GHR: variants seen among roughly 807,000 people sequenced by gnomAD.
GHR encodes growth hormone receptor.
A neutral mutation model predicts 67.1 loss-of-function variants in GHR; 35 were observed. The ratio of observed to expected loss-of-function variants is 0.52; its 90% CI spans 0.40 to 0.69. The LOEUF (loss-of-function observed/expected upper bound fraction) is 0.69. GHR is among the 30% of genes least tolerant of loss of function. GHR has a pLI of 0.00. For missense variants in GHR, 792 were observed against 764.6 expected, an observed-to-expected ratio of 1.04 and a Z score of -0.42; for synonymous variants, 272 against 269.1, an observed-to-expected ratio of 1.01 and a Z score of -0.10.
chr5:42,535,872 C>A (rs1748232793), intron 1 of GHR, among the ~76,000 whole-genome samples: 1 of 152,040 alleles, frequency 6.6e-6, no homozygotes. Context: ...GGTCTTTCAA[C>A]TCTTTTGTTA....
At chr5:42,673,352 G>A (rs1349192624) in intron 3 of GHR, among the ~76,000 whole-genome samples, 1 of 152,170 alleles carries the variant, frequency 6.6e-6, no homozygotes. Context: ...GCAGTTTGGA[G>A]ATTTCTCAAA....
At chr5:42,425,014 G>C in intron 1 of GHR, 3 of 985,354 alleles carry the variant, frequency 3.0e-6, no homozygotes, top group Non-Finnish European at 3.6e-6. Context: ...GTGCCGCCAG[G>C]AGACCTTGGA....
rs372033041 is a variant in GHR at position 42,660,723 on chromosome 5, C to T, written c.137-28167C>T. Among the ~76,000 whole-genome samples the T allele has an allele frequency of 5.9e-5, 9 of 152,346 alleles. 1 individual carries two copies. The South Asian group carries it at 6.2e-4, about 11-fold the overall frequency. ...GAGCACCTCTCCTCCTCCAAAGGAA[C>T]GCAGTTCCTCACCAGCAACGGAACA... On this transcript the variant is annotated intron_variant, in intron 3 of 9. Transcript: ENST00000230882.
chr5:42,673,995 T>A (rs1419003693), intron 3 of GHR, among the ~76,000 whole-genome samples: 1 of 152,178 alleles, frequency 6.6e-6, no homozygotes, highest in Non-Finnish European at 1.5e-5. Context: ...CAGGTGACTC[T>A]AACATTCAAT....
At chr5:42,544,036 G>A (rs1748630349) in intron 1 of GHR, among the ~76,000 whole-genome samples, 1 of 151,998 alleles carries the variant, frequency 6.6e-6, no homozygotes, top group African/African-American at 2.4e-5. Context: ...TATTTTTAAG[G>A]TTAACGTACC....
At chr5:42,526,292 C>A (rs1747703253) in intron 1 of GHR, among the ~76,000 whole-genome samples, 1 of 152,058 alleles carries the variant, frequency 6.6e-6, no homozygotes, top group African/African-American at 2.4e-5. Flanking sequence ...AAGCCTAATC[C>A]AGAGCAAGGC....
intron 1 of GHR, chr5:42,467,254 A>G (rs1354559115): frequency 7.4e-7 from 1 of 1,346,270 alleles, no homozygotes; most frequent in African/African-American, 1.4e-5. Flanking sequence ...CTGGTACATA[A>G]TAAGGTGTGA....
chr5:42,708,265 G>A (rs867164244), intron 6 of GHR, among the ~76,000 whole-genome samples: 8 of 152,010 alleles, frequency 5.3e-5, no homozygotes, highest in Non-Finnish European at 1.0e-4. Context: ...TTATTTATCT[G>A]TGTGAGGCCA....
intron 3 of GHR, among the ~76,000 whole-genome samples, chr5:42,663,509 A>G (rs376772751): frequency 1.3e-5 from 2 of 152,338 alleles, no homozygotes; most frequent in Admixed American, 6.5e-5. Flanking sequence ...GATTATCTCA[A>G]TAGATGCAGA....
chr5:42,660,893 C>A (rs932344459), intron 3 of GHR, among the ~76,000 whole-genome samples: 2 of 151,996 alleles, frequency 1.3e-5, no homozygotes, highest in Non-Finnish European at 2.9e-5. Context: ...CTAGAATAAC[C>A]AATACAGAGA....
At chr5:42,701,879 T>C (rs1757946784) in intron 6 of GHR, among the ~76,000 whole-genome samples, 1 of 152,116 alleles carries the variant, frequency 6.6e-6, no homozygotes, top group Non-Finnish European at 1.5e-5. Flanking sequence ...TGTAATCAAA[T>C]CATGCATGGG....
At chr5:42,474,331 A>AAGAAAGAAAGAAAG (rs1303333619) in intron 1 of GHR, among the ~76,000 whole-genome samples, 2 of 149,152 alleles carry the variant, frequency 1.3e-5, no homozygotes, top group African/African-American at 5.0e-5. Flanking sequence ...GAAAGAAAGA[A>AAGAAAGAAAGAAAG]AGAAAGAAAA....
intron 2 of GHR, among the ~76,000 whole-genome samples, chr5:42,613,772 G>A (rs1197009279): frequency 2.0e-5 from 3 of 152,000 alleles, no homozygotes; most frequent in African/African-American, 7.2e-5. Context: ...CTGGGTATGG[G>A]GAATAGGGAA....
chr5:42,592,175 A>G (rs921541198), intron 2 of GHR, among the ~76,000 whole-genome samples: 1 of 152,202 alleles, frequency 6.6e-6, no homozygotes, highest in Non-Finnish European at 1.5e-5. Flanking sequence ...GTGAATCTTC[A>G]CATGCTGCTC....
chr5:42,568,395 G>A (rs1750075781), intron 2 of GHR, among the ~76,000 whole-genome samples: 1 of 152,172 alleles, frequency 6.6e-6, no homozygotes, highest in African/African-American at 2.4e-5. Context: ...CTCAAAGCCA[G>A]TTACATAGTC....
intron 1 of GHR, among the ~76,000 whole-genome samples, chr5:42,504,651 C>T (rs938460690): frequency 1.3e-5 from 2 of 151,970 alleles, no homozygotes; most frequent in Non-Finnish European, 2.9e-5. Flanking sequence ...CCCAGCTACT[C>T]GGGAGGCTGA....
At position 42,720,581 on chromosome 5, in the gene GHR, T is replaced by C. The variant is rs759381512; in HGVS notation, c.*1157T>C. The C allele has an allele frequency of 6.6e-6, 1 of 152,244 alleles. No homozygotes were observed. The highest frequency in any genetic ancestry group is 6.5e-5 in the Admixed American group (1 of 15,282). 9.4% of individuals were successfully genotyped at this position (152,244 alleles called of 1,614,324 possible). A position where few individuals can be genotyped will look rare whatever the true frequency, so the allele number is the denominator to read the frequency against. ...TTGAAGCAAATCGAATGAAATTAAC[T>C]GGGTAATGAAACAAAGAGTTCAAGA... On this transcript the variant is annotated 3_prime_UTR_variant, in exon 10 of 10. Transcript: ENST00000230882.
intron 6 of GHR, among the ~76,000 whole-genome samples, chr5:42,705,865 G>A (rs1267250869): frequency 6.6e-6 from 1 of 152,108 alleles, no homozygotes; most frequent in Non-Finnish European, 1.5e-5. Flanking sequence ...ACGCATGCAT[G>A]TGTCTTTATG....
intron 5 of GHR, among the ~76,000 whole-genome samples, chr5:42,697,618 G>A (rs545945876): frequency 5.9e-5 from 9 of 152,254 alleles, no homozygotes; most frequent in East Asian, 3.9e-4. Flanking sequence ...GCAGGCCGGC[G>A]GTGGAGTGGG....
Sources: allele counts gnomAD v4.1 joint callset (sites outside exome capture counted in the v4.1 genomes callset), GRCh38; gene constraint gnomAD v4.1.1; transcripts MANE v1.5; gene names NCBI Gene and HGNC (gene_info 2026-07-23, HGNC 2026-07-21).